PANK2: variants seen among roughly 807,000 people sequenced by gnomAD.
PANK2 encodes pantothenate kinase 2.
PANK2 carries 36 observed loss-of-function variants against 43.1 expected under a neutral mutation model. The ratio of observed to expected loss-of-function variants is 0.84; its 90% CI spans 0.64 to 1.10. The LOEUF (loss-of-function observed/expected upper bound fraction) is 1.10. Ranked by LOEUF, PANK2 falls within the 50% of genes least tolerant of loss-of-function variation. PANK2 has a pLI of 0.00. For missense variants in PANK2, 576 were observed against 593.3 expected, an observed-to-expected ratio of 0.97 and a Z score of 0.30; for synonymous variants, 281 against 238.2, an observed-to-expected ratio of 1.18 and a Z score of -1.66.
intron 4 of PANK2, among the ~76,000 whole-genome samples, chr20:3,916,140 T>G (rs2090556044): frequency 6.6e-6 from 1 of 152,230 alleles, no homozygotes; most frequent in African/African-American, 2.4e-5. Flanking sequence ...GTTTTGTAGA[T>G]TTTATTGTAC....
chr20:3,890,258 C>G (rs1303605379), intron 1 of PANK2, among the ~76,000 whole-genome samples: 1 of 152,194 alleles, frequency 6.6e-6, no homozygotes, highest in African/African-American at 2.4e-5. Flanking sequence ...TGCCCTTCTT[C>G]TCGTGAGAAT....
intron 6 of PANK2, chr20:3,921,417 G>A (rs886074235): frequency 3.9e-5 from 6 of 151,944 alleles, no homozygotes; most frequent in African/African-American, 1.5e-4. Context: ...ATCTTAGCAC[G>A]TTGTAGTTTA....
chr20:3,891,879 T>G (rs556415893), intron 1 of PANK2, among the ~76,000 whole-genome samples: 1 of 152,376 alleles, frequency 6.6e-6, no homozygotes, highest in African/African-American at 2.4e-5. Flanking sequence ...TATATTTTGT[T>G]TTGATGTTTG....
intron 1 of PANK2, chr20:3,890,003 G>C: frequency 7.8e-7 from 1 of 1,288,182 alleles, no homozygotes; most frequent in Non-Finnish European, 1.1e-6. Context: ...TTAGCTCCTT[G>C]GGCATTCTCT....
chr20:3,923,174 T>C (rs950149193), intron 6 of PANK2, 70 bp from the exon 7 acceptor site: 2 of 1,547,388 alleles, frequency 1.3e-6, no homozygotes, highest in Admixed American at 3.3e-5. Flanking sequence ...TTAACACTAG[T>C]CATCATGTGT....
rs2090753270 is a variant in PANK2 at position 3,928,074 on chromosome 20, AAAG to A, written c.*4783_*4785del. 6.6e-6 allele frequency: 1 copy of A among 152,144 alleles called. No homozygotes were observed. The highest frequency in any genetic ancestry group is 2.4e-5 in the African/African-American group (1 of 41,436). The allele number at this position is 152,144 out of a possible 1,614,324, so 9.4% of individuals were successfully genotyped here. On this transcript the variant is annotated 3_prime_UTR_variant, in exon 7 of 7. Coordinates refer to ENST00000610179, the MANE Select transcript of PANK2 (RefSeq NM_001386393.1). ...TGGGGATCCCTTATTAATCTTTACT[AAAG>A]AACCGTGAACCAGCATTTTCCAGTT...
intron 6 of PANK2, among the ~76,000 whole-genome samples, chr20:3,922,075 A>C (rs2090655834): frequency 6.6e-6 from 1 of 152,232 alleles, no homozygotes. Context: ...TCGTTTGATC[A>C]GGTTTCTTGA....
At chr20:3,903,152 T>TTC (rs1555786683) in intron 1 of PANK2, among the ~76,000 whole-genome samples, 13 of 138,876 alleles carry the variant, frequency 9.4e-5, no homozygotes, top group East Asian at 2.0e-4. Flanking sequence ...TTTTTTTTTT[T>TTC]CCCCCTTTTT....
At chr20:3,922,547 G>A (rs532696260) in intron 6 of PANK2, among the ~76,000 whole-genome samples, 2 of 152,042 alleles carry the variant, frequency 1.3e-5, no homozygotes, top group African/African-American at 2.4e-5. Context: ...TTCCTGTGCC[G>A]CCTGCTTCTG....
At chr20:3,918,591 A>G in intron 5 of PANK2, 80 bp from the exon 6 acceptor site, 3 of 1,581,636 alleles carry the variant, frequency 1.9e-6, no homozygotes, top group Admixed American at 1.7e-5. Context: ...AGCTATGCAC[A>G]TGGTGCTGTA....
At chr20:3,907,671 G>A (rs1353242055) in intron 1 of PANK2, among the ~76,000 whole-genome samples, 1 of 151,970 alleles carries the variant, frequency 6.6e-6, no homozygotes, top group Non-Finnish European at 1.5e-5. Context: ...TCATAGTGCG[G>A]TTTGCGCTTG....
chr20:3,913,760 GCA>G lies in PANK2; in HGVS notation c.1082+1141_1082+1142del, dbSNP rs766867978. On this transcript the variant is annotated intron_variant, in intron 4 of 6. Coordinates refer to ENST00000610179, the MANE Select transcript of PANK2 (RefSeq NM_001386393.1). ...TTTATATGTAAGTCTTTGTATGTAT[GCA>G]CACACACACACACATATATATATAT... 8.5e-3 allele frequency among the ~76,000 whole-genome samples: 1,105 copies of G among 129,958 alleles called. 7 individuals are homozygous for G. The highest frequency in any genetic ancestry group is 0.027 in the African/African-American group (976 of 35,966). The allele number at this position is 129,958 out of a possible 152,430, so 85.3% of individuals were successfully genotyped here.
At chr20:3,915,135 G>C (rs2090537328) in intron 4 of PANK2, among the ~76,000 whole-genome samples, 1 of 152,072 alleles carries the variant, frequency 6.6e-6, no homozygotes, top group Admixed American at 6.6e-5. Context: ...AAATTTTGAT[G>C]AAGTTAATCT....
In PANK2 at chr20:3,910,562, C is replaced by G; in HGVS notation, c.652-15C>G. 2 of 1,613,936 alleles carry G rather than the reference C, an allele frequency of 1.2e-6. No individual in the cohort carries two copies. Among genetic ancestry groups the G allele is most frequent in the Non-Finnish European group, 8.5e-7 (1 of 1,179,942 alleles). On this transcript the variant is annotated splice_polypyrimidine_tract_variant and intron_variant, in intron 2 of 6. Transcript: ENST00000610179. ...GCTTATTAAAAAGTCTGAGTACATT[C>G]TTATTTCATTACAGATAGGTGATCT...
chr20:3,916,912 T>TTCCCC lies in PANK2; in HGVS notation c.1083-14_1083-13insCCCCT, dbSNP rs1555789541. 57 of 1,613,558 alleles carry TTCCCC rather than the reference T, an allele frequency of 3.5e-5. No individual in the cohort carries two copies. The highest frequency in any genetic ancestry group is 4.5e-5 in the Non-Finnish European group (53 of 1,179,834). ...CTGTTGGTTTAGCAATGGGATTTTT[T>TTCCCC]TTCCCCCATCACAGCTTTGGAAACA... On this transcript the variant is annotated splice_polypyrimidine_tract_variant and intron_variant, in intron 4 of 6. Coordinates refer to ENST00000610179, the MANE Select transcript of PANK2 (RefSeq NM_001386393.1).
chr20:3,889,226 G>A (rs753937849), upstream of PANK2: 2 of 1,613,042 alleles, frequency 1.2e-6, no homozygotes, highest in Non-Finnish European at 1.7e-6. Flanking sequence ...CCCTCTCCCC[G>A]CCCCGTCACG....
At chr20:3,902,558 C>T (rs1421526974) in intron 1 of PANK2, among the ~76,000 whole-genome samples, 3 of 148,714 alleles carry the variant, frequency 2.0e-5, no homozygotes, top group Non-Finnish European at 4.4e-5. Context: ...GGATTACAAG[C>T]ATGAGCCACC....
chr20:3,901,341 C>T (rs1324114585), intron 1 of PANK2, among the ~76,000 whole-genome samples: 1 of 150,788 alleles, frequency 6.6e-6, no homozygotes, highest in Non-Finnish European at 1.5e-5. Context: ...AGCCACCACA[C>T]CTGGCTGTTT....
chr20:3,889,760 G>GCCCTGCCCC lies in PANK2; in HGVS notation c.298+37_298+45dup, dbSNP rs755311809. On this transcript the variant is annotated intron_variant, in intron 1 of 6. Coordinates refer to ENST00000610179, the MANE Select transcript of PANK2 (RefSeq NM_001386393.1). ...GTTCCGTGGGGCGCCCTCCCGGCCCGCCCTGCCCCCCCTTCCGGCCCACCC... is the reference window on the plus strand; with the variant it reads ...GTTCCGTGGGGCGCCCTCCCGGCCCGCCCTGCCCCCCCTGCCCCCCCTTCCGGCCCACCC... The GCCCTGCCCC allele has an allele frequency of 2.8e-4, 184 of 649,886 alleles. 1 individual carries two copies. Among genetic ancestry groups the GCCCTGCCCC allele is most frequent in the South Asian group, 2.2e-3 (111 of 49,944 alleles). 40.3% of individuals were successfully genotyped at this position (649,886 alleles called of 1,614,324 possible). A position where few individuals can be genotyped will look rare whatever the true frequency, so the allele number is the denominator to read the frequency against.
Sources: gnomAD v4.1 joint callset for allele counts (sites outside exome capture counted in the v4.1 genomes callset) on GRCh38, gnomAD v4.1.1 for gene constraint, MANE v1.5 for transcripts, NCBI Gene and HGNC (gene_info 2026-07-23, HGNC 2026-07-21) for gene names.